Variants in SCP2 observed in about 807,000 individuals in gnomAD.
SCP2 encodes sterol carrier protein 2.
Under a neutral mutation model 71.4 loss-of-function variants are expected in SCP2, and 48 were observed. The observed-to-expected ratio is 0.67, with a 90% CI of 0.53 to 0.86. The LOEUF (loss-of-function observed/expected upper bound fraction) is 0.86, where lower values mean the gene tolerates loss of function less well. SCP2 is among the 40% of genes least tolerant of loss of function. SCP2 has a pLI of 0.00. For synonymous variants in SCP2, 220 were observed against 218.1 expected, an observed-to-expected ratio of 1.01 and a Z score of -0.08; for missense variants, 560 against 655.6, an observed-to-expected ratio of 0.85 and a Z score of 1.59.
rs550083488 is a variant in SCP2 at position 52,959,352 on chromosome 1, C to T, written c.397-2151C>T. 1.2e-4 allele frequency among the ~76,000 whole-genome samples: 18 copies of T among 152,042 alleles called. No homozygotes were observed. In the East Asian group the frequency reaches 3.1e-3, roughly 26 times the overall value. ...CTGGGATTACGGGCATGCGCCACCA[C>T]GCCCTGCTAATTTTGTATTTTTAGT... On this transcript the variant is annotated intron_variant, in intron 5 of 15. Coordinates refer to ENST00000371514, the MANE Select transcript of SCP2 (RefSeq NM_002979.5).
intron 5 of SCP2, among the ~76,000 whole-genome samples, chr1:52,959,531 T>C (rs1331431785): frequency 6.6e-6 from 1 of 152,128 alleles, no homozygotes; most frequent in Non-Finnish European, 1.5e-5. Context: ...TTTTTTTGCA[T>C]TCTCATCTTT....
intron 5 of SCP2, among the ~76,000 whole-genome samples, chr1:52,961,066 CTTTTTTT>C (rs774047289): frequency 5.6e-4 from 52 of 92,196 alleles, no homozygotes; most frequent in African/African-American, 6.6e-4. Flanking sequence ...TCCTTTGGTT[CTTTTTTT>C]TTTTTTTTTT....
At chr1:52,995,718 A>G (rs1489859191) in intron 11 of SCP2, 1 of 761,870 alleles carries the variant, frequency 1.3e-6, no homozygotes, top group East Asian at 2.5e-5. Flanking sequence ...TACTTTGTGG[A>G]GTGGATCCCC....
intron 10 of SCP2, among the ~76,000 whole-genome samples, chr1:52,983,070 T>C (rs927612443): frequency 6.6e-6 from 1 of 152,232 alleles, no homozygotes; most frequent in African/African-American, 2.4e-5. Context: ...ACTGAAAATG[T>C]CTTTGCTTAA....
At chr1:52,990,623 A>G (rs962148773) in intron 11 of SCP2, among the ~76,000 whole-genome samples, 2 of 151,226 alleles carry the variant, frequency 1.3e-5, no homozygotes, top group African/African-American at 2.4e-5. Context: ...AGTCCCAGCT[A>G]CTTGGGAGGC....
At chr1:52,987,248 A>G (rs575981285) in intron 10 of SCP2, among the ~76,000 whole-genome samples, 38 of 152,138 alleles carry the variant, frequency 2.5e-4, no homozygotes, top group African/African-American at 9.1e-4. Context: ...GGTTGAATCC[A>G]TGATGTGGAA....
chr1:53,040,950 A>G (rs1663379060), intron 14 of SCP2, among the ~76,000 whole-genome samples: 1 of 152,322 alleles, frequency 6.6e-6, no homozygotes, highest in East Asian at 1.9e-4. Flanking sequence ...GAAGGCCTTC[A>G]AAAATGAATA....
chr1:53,024,555 A>ATTTC (rs1467758705), intron 12 of SCP2, among the ~76,000 whole-genome samples: 6 of 147,688 alleles, frequency 4.1e-5, no homozygotes, highest in African/African-American at 1.0e-4. Context: ...GAAATGCTAC[A>ATTTC]TTTCTTTCTT....
At chr1:53,014,844 A>T (rs777142775) in intron 11 of SCP2, 46 bp from the exon 12 acceptor site, 4 of 1,607,846 alleles carry the variant, frequency 2.5e-6, no homozygotes, top group South Asian at 2.2e-5. Flanking sequence ...TTCTGGCTTG[A>T]GAAAGCTGGT....
At chr1:52,963,828 A>G (rs904373346) in intron 6 of SCP2, 1 of 152,218 alleles carries the variant, frequency 6.6e-6, no homozygotes, top group African/African-American at 2.4e-5. Context: ...CTGCCATACT[A>G]TAAAACCTCC....
chr1:52,954,950 A>G (rs1655666779), intron 5 of SCP2, 146 bp downstream of exon 5: 12 of 711,548 alleles, frequency 1.7e-5, no homozygotes, highest in Admixed American at 6.3e-5. Context: ...TATTTTGCCA[A>G]TGATGAAACT....
chr1:52,972,134 CTGTT>C (rs753080434), intron 6 of SCP2, among the ~76,000 whole-genome samples: 69 of 152,174 alleles, frequency 4.5e-4, no homozygotes, highest in Middle Eastern at 3.4e-3. Context: ...TTTAAAATTG[CTGTT>C]TGTGAGTGTT....
chr1:53,024,307 G>A (rs570337727), intron 12 of SCP2, among the ~76,000 whole-genome samples: 2 of 152,064 alleles, frequency 1.3e-5, no homozygotes, highest in Admixed American at 6.6e-5. Flanking sequence ...TTGGAAGCAG[G>A]GGGGAGTGAG....
At chr1:52,995,315 G>A in intron 11 of SCP2, 1 of 479,710 alleles carries the variant, frequency 2.1e-6, no homozygotes, top group Non-Finnish European at 4.2e-6. Flanking sequence ...GAGACCTACT[G>A]CATTGACAAT....
chr1:52,936,825 G>A (rs1351812775), intron 1 of SCP2, among the ~76,000 whole-genome samples: 1 of 152,214 alleles, frequency 6.6e-6, no homozygotes, highest in East Asian at 1.9e-4. Context: ...GATTGAGATT[G>A]CTACAGAGTA....
chr1:53,013,013 G>A (rs886925736), intron 11 of SCP2, among the ~76,000 whole-genome samples: 2 of 150,852 alleles, frequency 1.3e-5, no homozygotes, highest in Non-Finnish European at 3.0e-5. Context: ...TTGCCCCCAA[G>A]TTTGGGTATA....
chr1:52,944,786 C>G (rs1654616152), intron 2 of SCP2, among the ~76,000 whole-genome samples: 1 of 151,824 alleles, frequency 6.6e-6, no homozygotes, highest in African/African-American at 2.4e-5. Flanking sequence ...CGTTGAGAGG[C>G]CGAGGTGGGC....
chr1:53,050,280 T>C (rs1664122183), intron 15 of SCP2: 1 of 251,658 alleles, frequency 4.0e-6, no homozygotes, highest in African/African-American at 2.3e-5. Context: ...AAAATTTCAG[T>C]TCATATTTCC....
At chr1:53,037,906 A>ACACACACACC (rs1663090804) in intron 13 of SCP2, among the ~76,000 whole-genome samples, 3 of 127,652 alleles carry the variant, frequency 2.4e-5, no homozygotes, top group African/African-American at 9.8e-5. Flanking sequence ...ACACACACAC[A>ACACACACACC]CACACACACA....
Sources: gnomAD v4.1 joint callset for allele counts (sites outside exome capture counted in the v4.1 genomes callset) on GRCh38, gnomAD v4.1.1 for gene constraint, MANE v1.5 for transcripts, NCBI Gene and HGNC (gene_info 2026-07-23, HGNC 2026-07-21) for gene names.